The following POU6F2 variants were observed in gnomAD, a reference collection of about 807,000 sequenced individuals.
The protein encoded by POU6F2 is POU domain, class 6, transcription factor 2.
Under a neutral mutation model 71.3 loss-of-function variants are expected in POU6F2, and 31 were observed. That is an observed-to-expected ratio of 0.43 (90% CI 0.33 to 0.59). The LOEUF is 0.59. Ranked by LOEUF, POU6F2 falls within the 20% of genes least tolerant of loss-of-function variation. The pLI, the probability that POU6F2 is intolerant of heterozygous loss-of-function variation, is 0.04. For synonymous variants in POU6F2, 347 were observed against 355.7 expected (o/e 0.98, Z 0.27); for missense variants, 783 against 856.8 (o/e 0.91, Z 1.07).
chr7:39,077,725 A>C (rs1257801675), intron 1 of POU6F2, among the ~76,000 whole-genome samples: 1 of 152,220 alleles, frequency 6.6e-6, no homozygotes, highest in East Asian at 1.9e-4. Context: ...GTTACACCGA[A>C]GGAAATCCTA....
intron 2 of POU6F2, among the ~76,000 whole-genome samples, chr7:39,185,432 C>G (rs1793512897): frequency 6.6e-6 from 1 of 152,062 alleles, no homozygotes; most frequent in Non-Finnish European, 1.5e-5. Flanking sequence ...TTTACAAACC[C>G]TGAAATATAA....
At chr7:39,130,924 G>C (rs934712892) in intron 2 of POU6F2, among the ~76,000 whole-genome samples, 2 of 152,190 alleles carry the variant, frequency 1.3e-5, no homozygotes, top group Non-Finnish European at 1.5e-5. Context: ...ACGGGCGCCG[G>C]GAGCCTAGTT....
intron 2 of POU6F2, among the ~76,000 whole-genome samples, chr7:39,141,932 G>T (rs1289006058): frequency 6.6e-6 from 1 of 151,832 alleles, no homozygotes; most frequent in African/African-American, 2.4e-5. Context: ...CCAAAAATAC[G>T]AAAAATTAGC....
chr7:39,414,691 C>T (rs1486249234), intron 6 of POU6F2, among the ~76,000 whole-genome samples: 1 of 147,624 alleles, frequency 6.8e-6, no homozygotes, highest in Non-Finnish European at 1.5e-5. Context: ...AAGGTCGCCC[C>T]GCCCTCCATC....
At chr7:39,346,899 T>C (rs1786043491) in intron 5 of POU6F2, among the ~76,000 whole-genome samples, 1 of 152,252 alleles carries the variant, frequency 6.6e-6, no homozygotes, top group Non-Finnish European at 1.5e-5. Flanking sequence ...AAGAAAGCAC[T>C]TTTATCATGA....
At chr7:39,273,923 T>A (rs975752644) in intron 4 of POU6F2, among the ~76,000 whole-genome samples, 16 of 152,224 alleles carry the variant, frequency 1.1e-4, no homozygotes, top group East Asian at 9.7e-4. Context: ...GAATAAACTA[T>A]AAAGAGTAAA....
intron 4 of POU6F2, among the ~76,000 whole-genome samples, chr7:39,301,527 G>A (rs182745955): frequency 7.2e-5 from 11 of 152,172 alleles, no homozygotes; most frequent in African/African-American, 2.4e-4. Flanking sequence ...GAGTGTGTGT[G>A]TGTGAAACCA....
At chr7:39,362,234 A>C (rs1388478844) in intron 5 of POU6F2, among the ~76,000 whole-genome samples, 2 of 151,896 alleles carry the variant, frequency 1.3e-5, no homozygotes, top group Non-Finnish European at 2.9e-5. Context: ...GATACTGTGC[A>C]TTTAAGCAAT....
chr7:39,319,048 C>T (rs922220429), intron 4 of POU6F2, among the ~76,000 whole-genome samples: 2 of 152,138 alleles, frequency 1.3e-5, no homozygotes, highest in African/African-American at 4.8e-5. Flanking sequence ...AGGAAAATCA[C>T]TTGAGCTTGG....
intron 7 of POU6F2, among the ~76,000 whole-genome samples, chr7:39,435,771 T>G (rs1788225298): frequency 6.7e-6 from 1 of 148,296 alleles, no homozygotes; most frequent in Admixed American, 6.7e-5. Context: ...GGTTTTACAT[T>G]TAAGTCTAAT....
chr7:39,256,745 A>C (rs1010705321), intron 4 of POU6F2, among the ~76,000 whole-genome samples: 2 of 152,114 alleles, frequency 1.3e-5, no homozygotes, highest in African/African-American at 4.8e-5. Context: ...GTGTAGAAAG[A>C]CTGGCCCAGC....
intron 1 of POU6F2, among the ~76,000 whole-genome samples, chr7:39,026,123 G>A (rs1226363595): frequency 6.6e-6 from 1 of 151,964 alleles, no homozygotes; most frequent in Non-Finnish European, 1.5e-5. Context: ...AGGATGTGGA[G>A]AAATAGGAAC....
chr7:39,005,559 T>G lies in POU6F2; in HGVS notation c.105+27501T>G, dbSNP rs138530553. ...TTGCGTGTGTGCGTGCAGGCATGTG[T>G]GCACGTGTATGTAGGTTGGGTTGAT... On this transcript the variant is annotated intron_variant, in intron 1 of 9. Coordinates refer to ENST00000518318, the MANE Select transcript of POU6F2 (RefSeq NM_001370959.1). Among the ~76,000 whole-genome samples, 380 of 150,922 alleles carry G rather than the reference T, an allele frequency of 2.5e-3. 3 individuals are homozygous for G. Among genetic ancestry groups the G allele is most frequent in the African/African-American group, 8.8e-3 (362 of 41,320 alleles).
intron 2 of POU6F2, among the ~76,000 whole-genome samples, chr7:39,166,216 T>G (rs2128737844): frequency 6.6e-6 from 1 of 152,312 alleles, no homozygotes; most frequent in South Asian, 2.1e-4. Context: ...ATTTTATCAC[T>G]TTTAGGTCTG....
At chr7:39,175,609 TAATG>T (rs967610770) in intron 2 of POU6F2, among the ~76,000 whole-genome samples, 1 of 152,172 alleles carries the variant, frequency 6.6e-6, no homozygotes, top group Non-Finnish European at 1.5e-5. Context: ...AATAAAGTAA[TAATG>T]AACCCAGCTC....
intron 1 of POU6F2, among the ~76,000 whole-genome samples, chr7:39,011,996 T>C (rs1409964631): frequency 6.6e-6 from 1 of 152,152 alleles, no homozygotes; most frequent in Non-Finnish European, 1.5e-5. Context: ...CTGACAATTA[T>C]GTGTCTTGGA....
chr7:39,273,173 A>T (rs867134068), intron 4 of POU6F2, among the ~76,000 whole-genome samples: 1 of 151,176 alleles, frequency 6.6e-6, no homozygotes, highest in Non-Finnish European at 1.5e-5. Context: ...ACCCTCCAGG[A>T]TGGGGAACAT....
intron 4 of POU6F2, among the ~76,000 whole-genome samples, chr7:39,299,642 G>A (rs905950853): frequency 1.3e-5 from 2 of 152,094 alleles, no homozygotes; most frequent in Non-Finnish European, 1.5e-5. Context: ...TCTAAAAATC[G>A]TGAGAACTAA....
intron 2 of POU6F2, among the ~76,000 whole-genome samples, chr7:39,193,687 G>A (rs1793716818): frequency 6.6e-6 from 1 of 152,210 alleles, no homozygotes; most frequent in Non-Finnish European, 1.5e-5. Context: ...TATAGTGGCT[G>A]GCACATGGTA....
Sources: allele counts gnomAD v4.1 joint callset (sites outside exome capture counted in the v4.1 genomes callset), GRCh38; gene constraint gnomAD v4.1.1; transcripts MANE v1.5; gene names NCBI Gene and HGNC (gene_info 2026-07-23, HGNC 2026-07-21).